The following IL21R variants were observed in gnomAD, a reference collection of about 807,000 sequenced individuals.
The protein encoded by IL21R is interleukin 21 receptor.
A neutral mutation model predicts 41.3 loss-of-function variants in IL21R; 14 were observed. The observed-to-expected ratio is 0.34, with a 90% confidence interval of 0.22 to 0.53. The LOEUF (loss-of-function observed/expected upper bound fraction) is 0.53, where lower values mean the gene tolerates loss of function less well. Among genes scored for constraint, IL21R ranks in the 20% least tolerant of loss-of-function variants. The pLI is 0.94. For missense variants in IL21R, 588 were observed against 681.6 expected (o/e 0.86, Z 1.53); for synonymous variants, 286 against 287.6 (o/e 0.99, Z 0.05).
intron 5 of IL21R, chr16:27,444,000 A>G (rs2087434754): frequency 6.6e-6 from 1 of 152,012 alleles, no homozygotes; most frequent in South Asian, 2.1e-4. Context: ...TGAGTGCCAT[A>G]CTTTAGAAAG....
At position 27,443,024 on chromosome 16, in the gene IL21R, C is replaced by A. The variant is rs146177564; in HGVS notation, c.415C>A (p.Arg139Ser). ...TFSGQYNISWRSDYEDPAFYM... is the reference protein window; with the variant it reads ...TFSGQYNISWSSDYEDPAFYM... Reference sequence around the variant, plus strand: ...CTCAGGACAGTATAATATCTCCTGGCGCTCAGATTACGAAGACCCTGCCTT... The same window carrying A: ...CTCAGGACAGTATAATATCTCCTGGAGCTCAGATTACGAAGACCCTGCCTT... Residue 139 changes from arginine (R) to serine (S), a missense_variant, in exon 5 of 9, where the codon CGC (arginine) becomes AGC (serine). Arg to Ser is a moderately radical substitution (Grantham distance 110, BLOSUM62 -1). Coordinates refer to ENST00000337929, the MANE Select transcript of IL21R (RefSeq NM_181078.3). 6 of 1,613,796 alleles carry A rather than the reference C, an allele frequency of 3.7e-6. No homozygotes were observed. The highest frequency in any genetic ancestry group is 5.1e-6 in the Non-Finnish European group (6 of 1,179,762).
chr16:27,449,406 G>C lies in IL21R; in HGVS notation c.*123G>C, dbSNP rs916631403. 4.4e-6 allele frequency: 4 copies of C among 914,044 alleles called. No homozygotes were observed. Among genetic ancestry groups the C allele is most frequent in the Non-Finnish European group, 6.5e-6 (4 of 618,760 alleles). 56.6% of individuals were successfully genotyped at this position (914,044 alleles called of 1,614,324 possible). On this transcript the variant is annotated 3_prime_UTR_variant, in exon 9 of 9. Coordinates refer to ENST00000337929, the MANE Select transcript of IL21R (RefSeq NM_181078.3). The stretch of plus-strand genomic sequence containing the variant: ...GTCTCCTGGATGGGCCTTTGAGCCT[G>C]ATGTTTACAGTGTCTGTGTGTGTGT...
chr16:27,434,675 G>A (rs1444774040), intron 3 of IL21R, among the ~76,000 whole-genome samples: 1 of 152,112 alleles, frequency 6.6e-6, no homozygotes, highest in Non-Finnish European at 1.5e-5. Context: ...TGAGACCCCG[G>A]GATGGCTGGT....
intron 1 of IL21R, among the ~76,000 whole-genome samples, chr16:27,405,946 G>T (rs1266935094): frequency 6.6e-6 from 1 of 152,232 alleles, no homozygotes; most frequent in Non-Finnish European, 1.5e-5. Context: ...CCCGACCCCT[G>T]CCCTGAATTG....
intron 1 of IL21R, among the ~76,000 whole-genome samples, chr16:27,417,224 T>C (rs1409645805): frequency 1.3e-5 from 2 of 149,950 alleles, no homozygotes; most frequent in African/African-American, 2.5e-5. Flanking sequence ...TGCAATGGTG[T>C]GAAAACAGCT....
intron 1 of IL21R, among the ~76,000 whole-genome samples, chr16:27,424,903 T>C (rs1208223076): frequency 2.6e-5 from 4 of 152,128 alleles, no homozygotes; most frequent in Non-Finnish European, 5.9e-5. Context: ...GAGCCTTTAC[T>C]CAAGGCTGAA....
intron 1 of IL21R, among the ~76,000 whole-genome samples, chr16:27,418,783 A>G (rs1464240468): frequency 6.6e-6 from 1 of 152,162 alleles, no homozygotes; most frequent in Non-Finnish European, 1.5e-5. Context: ...CTCTTGTACT[A>G]ACACTTAAGA....
intron 1 of IL21R, among the ~76,000 whole-genome samples, chr16:27,424,310 G>A (rs1426569369): frequency 6.6e-6 from 1 of 152,148 alleles, no homozygotes; most frequent in Admixed American, 6.5e-5. Context: ...CTGACCTCAG[G>A]TGATCCACCC....
chr16:27,441,098 A>T (rs1596592830), intron 4 of IL21R, among the ~76,000 whole-genome samples: 2 of 135,650 alleles, frequency 1.5e-5, no homozygotes, highest in Non-Finnish European at 1.6e-5. Context: ...GGAGGGAGGG[A>T]GGGAAGGAGG....
At position 27,403,367 on chromosome 16, in the gene IL21R, G is replaced by A. The variant is rs2086690806; in HGVS notation, c.-17+749G>A. On this transcript the variant is annotated intron_variant, in intron 1 of 8. Transcript: ENST00000337929. ...GGAACTTAGGACTTGCCGCAGGAAT[G>A]ACGTCTCTGCTCAGTGAAGGCAGAA... is the stretch of plus-strand genomic sequence containing the variant. 4.2e-6 allele frequency: 3 copies of A among 717,914 alleles called. No individual in the cohort carries two copies. The South Asian group carries it at 5.2e-5, about 12-fold the overall frequency. 44.5% of individuals were successfully genotyped at this position (717,914 alleles called of 1,614,324 possible).
chr16:27,407,373 C>T (rs1006549950), intron 1 of IL21R, among the ~76,000 whole-genome samples: 1 of 152,092 alleles, frequency 6.6e-6, no homozygotes, highest in Admixed American at 6.5e-5. Context: ...AGATCTGTGG[C>T]GTAGACCCAG....
At chr16:27,403,393 G>C (rs926346310) in intron 1 of IL21R, among the ~76,000 whole-genome samples, 10 of 152,312 alleles carry the variant, frequency 6.6e-5, no homozygotes, top group African/African-American at 2.4e-4. Flanking sequence ...GAAGGCAGAA[G>C]ACCAGGTGCG....
At position 27,449,793 on chromosome 16, in the gene IL21R, T is replaced by G. The variant is rs1219978219; in HGVS notation, c.*510T>G. Reference sequence around the variant, plus strand: ...CTCCAGGAGCTGCAAGAAGTCCATATTGTTCCTTATCACCTGCCAACAGGA... The same window carrying G: ...CTCCAGGAGCTGCAAGAAGTCCATAGTGTTCCTTATCACCTGCCAACAGGA... On this transcript the variant is annotated 3_prime_UTR_variant, in exon 9 of 9. Transcript: ENST00000337929. The G allele has an allele frequency of 4.2e-6, 1 of 237,940 alleles. No individual in the cohort carries two copies. The highest frequency in any genetic ancestry group is 8.3e-6 in the Non-Finnish European group (1 of 120,732). The allele number at this position is 237,940 out of a possible 1,614,324, so 14.7% of individuals were successfully genotyped here.
intron 1 of IL21R, among the ~76,000 whole-genome samples, chr16:27,405,213 A>G (rs929031626): frequency 4.0e-5 from 6 of 151,700 alleles, no homozygotes; most frequent in Non-Finnish European, 7.4e-5. Context: ...TTGTATTTTT[A>G]GTGGAGGCGG....
At chr16:27,442,871 G>T in intron 4 of IL21R, 91 bp from the exon 5 acceptor site, 6 of 1,218,650 alleles carry the variant, frequency 4.9e-6, no homozygotes, top group African/African-American at 1.5e-5. Context: ...AGGCAGGGGT[G>T]GGGGCAGGCA....
In IL21R at chr16:27,451,552, T is replaced by C; in HGVS notation, c.*2269T>C. On this transcript the variant is annotated 3_prime_UTR_variant, in exon 9 of 9. Transcript: ENST00000337929. The stretch of plus-strand genomic sequence containing the variant: ...AGCAAGGCCCCATCTCTACAAAAAT[T>C]ATTATTTTTTAAAAAAATTAGCCAG... 4.8e-6 allele frequency: 1 copy of C among 206,944 alleles called. No homozygotes were observed. Among genetic ancestry groups the C allele is most frequent in the Non-Finnish European group, 9.9e-6 (1 of 101,392 alleles). The allele number at this position is 206,944 out of a possible 1,614,324, so 12.8% of individuals were successfully genotyped here.
At chr16:27,424,869 G>C (rs1596577369) in intron 1 of IL21R, among the ~76,000 whole-genome samples, 1 of 152,148 alleles carries the variant, frequency 6.6e-6, no homozygotes, top group East Asian at 1.9e-4. Context: ...CATCTTCTCG[G>C]CTTCTGGTAA....
At chr16:27,404,130 AC>A (rs895010914) in intron 1 of IL21R, among the ~76,000 whole-genome samples, 3 of 151,930 alleles carry the variant, frequency 2.0e-5, no homozygotes, top group Non-Finnish European at 4.4e-5. Flanking sequence ...AGGACAGGCA[AC>A]CCCCAGAGGA....
chr16:27,437,995 T>A (rs2141296250), intron 4 of IL21R, among the ~76,000 whole-genome samples: 1 of 152,240 alleles, frequency 6.6e-6, no homozygotes, highest in Middle Eastern at 3.4e-3. Flanking sequence ...CCTCCTTCCA[T>A]CAGATCTGAC....
Sources: allele counts gnomAD v4.1 joint callset (sites outside exome capture counted in the v4.1 genomes callset), GRCh38; gene constraint gnomAD v4.1.1; transcripts MANE v1.5; gene names NCBI Gene and HGNC (gene_info 2026-07-23, HGNC 2026-07-21).